Variants in LPP observed in about 807,000 individuals in gnomAD.
LPP encodes LIM domain containing preferred translocation partner in lipoma, also known as lipoma-preferred partner.
A neutral mutation model predicts 60.4 loss-of-function variants in LPP; 38 were observed. The ratio of observed to expected loss-of-function variants is 0.63; its 90% confidence interval spans 0.49 to 0.83. The LOEUF (loss-of-function observed/expected upper bound fraction) is 0.83, where lower values mean the gene tolerates loss of function less well. LPP is among the 40% of genes least tolerant of loss of function. The probability of loss-of-function intolerance (pLI) is 0.00; values close to 1 mark genes in which losing one functional copy is unlikely to be tolerated. For synonymous variants in LPP, 328 were observed against 290.8 expected (o/e 1.13, Z -1.30); for missense variants, 902 against 783.6 (o/e 1.15, Z -1.80).
chr3:188,597,464 G>A (rs996975550), intron 6 of LPP, among the ~76,000 whole-genome samples: 1 of 151,940 alleles, frequency 6.6e-6, no homozygotes, highest in Admixed American at 6.6e-5. Flanking sequence ...GTCTTTTTAT[G>A]GCTTCCGAGT....
intron 3 of LPP, among the ~76,000 whole-genome samples, chr3:188,378,459 G>A (rs762872270): frequency 3.9e-5 from 6 of 152,300 alleles, no homozygotes; most frequent in South Asian, 2.1e-4. Context: ...GTTTGATCTC[G>A]GACCGCTGTG....
intron 4 of LPP, among the ~76,000 whole-genome samples, chr3:188,455,800 A>G (rs967686994): frequency 6.6e-6 from 1 of 152,184 alleles, no homozygotes; most frequent in Non-Finnish European, 1.5e-5. Context: ...TACTTAGGGA[A>G]CAAAGAGAAC....
chr3:188,254,719 T>C (rs915748095), intron 2 of LPP, among the ~76,000 whole-genome samples: 6 of 152,208 alleles, frequency 3.9e-5, no homozygotes, highest in Non-Finnish European at 7.3e-5. Flanking sequence ...ACACAGTGGA[T>C]AGGATTCCTT....
At chr3:188,651,203 G>T (rs928032298) in intron 7 of LPP, among the ~76,000 whole-genome samples, 1 of 152,144 alleles carries the variant, frequency 6.6e-6, no homozygotes, top group African/African-American at 2.4e-5. Context: ...CCATATGCTG[G>T]GATATTCAGA....
chr3:188,284,700 G>C (rs1743313376), intron 2 of LPP, among the ~76,000 whole-genome samples: 1 of 152,126 alleles, frequency 6.6e-6, no homozygotes, highest in South Asian at 2.1e-4. Flanking sequence ...CTTACCCAAG[G>C]CCATACAGCT....
intron 4 of LPP, among the ~76,000 whole-genome samples, chr3:188,454,652 G>C (rs2149376779): frequency 6.6e-6 from 1 of 152,252 alleles, no homozygotes; most frequent in Non-Finnish European, 1.5e-5. Flanking sequence ...ATGGCTGGGG[G>C]AGGCTTCAGA....
At chr3:188,642,110 C>T (rs993165412) in intron 7 of LPP, among the ~76,000 whole-genome samples, 4 of 151,860 alleles carry the variant, frequency 2.6e-5, no homozygotes, top group Non-Finnish European at 5.9e-5. Flanking sequence ...TTTTTTTAAG[C>T]TAACATCCCC....
chr3:188,162,264 G>A (rs981595586), intron 1 of LPP, among the ~76,000 whole-genome samples: 2 of 152,152 alleles, frequency 1.3e-5, no homozygotes, highest in Non-Finnish European at 2.9e-5. Flanking sequence ...TGCAGATATT[G>A]GTCGGGAGTT....
intron 8 of LPP, among the ~76,000 whole-genome samples, chr3:188,739,127 G>A (rs1227382571): frequency 2.6e-5 from 4 of 152,052 alleles, no homozygotes; most frequent in Admixed American, 6.6e-5. Flanking sequence ...ATTAATTTCT[G>A]TAATAATTTG....
At chr3:188,811,505 G>A (rs1025916426) in intron 9 of LPP, among the ~76,000 whole-genome samples, 1 of 151,702 alleles carries the variant, frequency 6.6e-6, no homozygotes, top group African/African-American at 2.4e-5. Flanking sequence ...TAGTGCGTAA[G>A]AATTGGATTA....
At chr3:188,676,685 C>T (rs1425623899) in intron 7 of LPP, among the ~76,000 whole-genome samples, 3 of 152,102 alleles carry the variant, frequency 2.0e-5, no homozygotes, top group African/African-American at 7.2e-5. Flanking sequence ...CCAATGTGGC[C>T]TTATAGATCC....
intron 3 of LPP, among the ~76,000 whole-genome samples, chr3:188,364,165 G>A (rs1428944606): frequency 6.6e-6 from 1 of 152,106 alleles, no homozygotes; most frequent in African/African-American, 2.4e-5. Flanking sequence ...AATGTTTAAG[G>A]CCCTGCCCGA....
chr3:188,649,171 G>T (rs1246312088), intron 7 of LPP, among the ~76,000 whole-genome samples: 1 of 152,154 alleles, frequency 6.6e-6, no homozygotes, highest in African/African-American at 2.4e-5. Context: ...TATTGATAGT[G>T]AGAAGCTAAT....
intron 6 of LPP, among the ~76,000 whole-genome samples, chr3:188,591,715 A>G (rs1431334854): frequency 6.6e-6 from 1 of 152,172 alleles, no homozygotes; most frequent in African/African-American, 2.4e-5. Flanking sequence ...TCATTCTACA[A>G]TTGAGTTCCT....
intron 7 of LPP, among the ~76,000 whole-genome samples, chr3:188,678,158 A>G (rs1476374793): frequency 2.0e-5 from 3 of 152,174 alleles, no homozygotes; most frequent in African/African-American, 7.2e-5. Flanking sequence ...TTCTGTTCCA[A>G]TGCCAGCAAA....
rs895877665 is a variant in LPP, at chr3:188,312,140, T to TAC, written c.-66-29511_-66-29510dup. Among the ~76,000 whole-genome samples, 7 of 149,792 alleles carry TAC rather than the reference T, an allele frequency of 4.7e-5. No homozygotes were observed. In the East Asian group the frequency reaches 1.2e-3, roughly 25 times the overall value. ...AACTGGGTATAAATAAGCATGTGTA[T>TAC]ACACACACACACAGAAACACACACA... On this transcript the variant is annotated intron_variant, in intron 2 of 11. Coordinates refer to ENST00000617246, the MANE Select transcript of LPP (RefSeq NM_001375462.1).
chr3:188,494,031 G>A (rs779580258), intron 5 of LPP, among the ~76,000 whole-genome samples: 6 of 152,146 alleles, frequency 3.9e-5, no homozygotes, highest in Non-Finnish European at 7.3e-5. Context: ...AGGGTAGCTA[G>A]CTTGCACTTA....
intron 2 of LPP, chr3:188,240,285 C>G (rs190829333): frequency 8.9e-5 from 15 of 167,952 alleles, no homozygotes; most frequent in Admixed American, 3.2e-4. Context: ...GTAGGAATAG[C>G]TTACAGCTTG....
intron 9 of LPP, among the ~76,000 whole-genome samples, chr3:188,765,123 T>G (rs139173777): frequency 2.0e-5 from 3 of 152,310 alleles, no homozygotes; most frequent in African/African-American, 7.2e-5. Flanking sequence ...TAAAATGTTT[T>G]AAAAGCACTT....
Sources: gnomAD v4.1 joint callset for allele counts (sites outside exome capture counted in the v4.1 genomes callset) on GRCh38, gnomAD v4.1.1 for gene constraint, MANE v1.5 for transcripts, NCBI Gene and HGNC (gene_info 2026-07-23, HGNC 2026-07-21) for gene names.